SIGLEC12: variants seen among roughly 807,000 people sequenced by gnomAD.
The protein encoded by SIGLEC12 is sialic acid-binding Ig-like lectin 12.
A neutral mutation model predicts 54.1 loss-of-function variants in SIGLEC12; 43 were observed. The ratio of observed to expected loss-of-function variants is 0.80; its 90% CI spans 0.62 to 1.03. The LOEUF is 1.03. SIGLEC12 is among the 50% of genes least tolerant of loss of function. SIGLEC12 has a pLI of 0.00. For missense variants in SIGLEC12, 802 were observed against 735.2 expected (o/e 1.09, Z -1.05); for synonymous variants, 357 against 307.6 (o/e 1.16, Z -1.68).
chr19:51,500,611 G>A (rs199829752), intron 1 of SIGLEC12, among the ~76,000 whole-genome samples: 12 of 152,210 alleles, frequency 7.9e-5, no homozygotes, highest in East Asian at 7.8e-4. Flanking sequence ...ACCGTGTCCC[G>A]CCTCCTACCT....
At chr19:51,492,980 G>A (rs189471325) in intron 7 of SIGLEC12, among the ~76,000 whole-genome samples, 1 of 152,292 alleles carries the variant, frequency 6.6e-6, no homozygotes, top group East Asian at 1.9e-4. Context: ...CTGCCTGGGA[G>A]GCTTCTCCTT....
rs147834782 is a variant in SIGLEC12 at position 51,501,376 on chromosome 19, C to T, written c.358G>A (p.Val120Ile). 3.3e-5 allele frequency: 53 copies of T among 1,614,068 alleles called. No individual in the cohort carries two copies. Among genetic ancestry groups the T allele is most frequent in the South Asian group, 5.5e-5 (5 of 91,092 alleles). The change falls in exon 1 of 8, where the codon GTC becomes ATC. Residue 120 changes from valine (V) to isoleucine (I), a missense_variant. Coordinates refer to ENST00000291707, the MANE Select transcript of SIGLEC12 (RefSeq NM_053003.4). ...ATATTTCCTCTCTCTACACAAAAGA[C>T]GTATGTCCCTGCATCACTCTCTCTG... ...DTRESDAGTY[V>I]FCVERGNMKW...
chr19:51,499,311 C>G (rs1990325956), intron 3 of SIGLEC12, 94 bp from the exon 4 acceptor site: 7 of 1,578,842 alleles, frequency 4.4e-6, no homozygotes, highest in Admixed American at 1.7e-5. Flanking sequence ...AAGGTGGAGC[C>G]AGCATCCTCC....
chr19:51,500,910 C>A (rs977851898), intron 1 of SIGLEC12, among the ~76,000 whole-genome samples: 2 of 152,066 alleles, frequency 1.3e-5, no homozygotes, highest in Admixed American at 1.3e-4. Flanking sequence ...CTTAACCCCC[C>A]AGGACGTTTG....
At chr19:51,500,963 G>A (rs533603567) in intron 1 of SIGLEC12, among the ~76,000 whole-genome samples, 11 of 152,152 alleles carry the variant, frequency 7.2e-5, no homozygotes, top group Admixed American at 3.3e-4. Flanking sequence ...GGTGGGGTGG[G>A]TGCTTCTGGC....
chr19:51,493,402 G>C (rs923422310), intron 7 of SIGLEC12, among the ~76,000 whole-genome samples: 1 of 152,124 alleles, frequency 6.6e-6, no homozygotes, highest in Non-Finnish European at 1.5e-5. Flanking sequence ...TTGTCTTCAT[G>C]CCATCAATAA....
At chr19:51,498,404 A>G in intron 4 of SIGLEC12, 117 bp from the exon 5 acceptor site, 1 of 848,188 alleles carries the variant, frequency 1.2e-6, no homozygotes, top group East Asian at 2.7e-5. Flanking sequence ...TTGTAGGGAC[A>G]TATGCACGTT....
In SIGLEC12 at chr19:51,498,027, C is replaced by T. The variant is rs1256307708; in HGVS notation, c.1396G>A (p.Glu466Lys). The T allele has an allele frequency of 1.4e-5, 23 of 1,614,098 alleles. No individual in the cohort carries two copies. Among genetic ancestry groups the T allele is most frequent in the Non-Finnish European group, 1.8e-5 (21 of 1,180,028 alleles). ...ACCCTCCCCTACCCACCTGTGTACT[C>T]GTTTTGCAGGGAGAGGCTCAGGGAA... is the stretch of plus-strand genomic sequence containing the variant. ...HISLSLSLQN[E>K]YTGKMRPISG... Residue 466 changes from glutamate (E) to lysine (K), a missense_variant, in exon 5 of 8, where the codon GAG (glutamate) becomes AAG (lysine). Glu to Lys is a moderately conservative substitution (Grantham distance 56, BLOSUM62 1). Coordinates refer to ENST00000291707, the MANE Select transcript of SIGLEC12 (RefSeq NM_053003.4).
In SIGLEC12 at chr19:51,499,221, G is replaced by A. The variant is rs1990323837; in HGVS notation, c.1088-4C>T. Reference sequence around the variant, plus strand: ...ATGGTCAAGTTCTGAGGAGGATCTGGAACAGAAAGACACGGAGTTCCCATC... The same window carrying A: ...ATGGTCAAGTTCTGAGGAGGATCTGAAACAGAAAGACACGGAGTTCCCATC... On this transcript the variant is annotated splice_polypyrimidine_tract_variant and splice_region_variant and intron_variant, in intron 3 of 7. Coordinates refer to ENST00000291707, the MANE Select transcript of SIGLEC12 (RefSeq NM_053003.4). 1.2e-6 allele frequency: 2 copies of A among 1,613,878 alleles called. No individual in the cohort carries two copies. Among genetic ancestry groups the A allele is most frequent in the Admixed American group, 1.7e-5 (1 of 60,006 alleles).
Position 51,498,222 on chromosome 19 carries a change from A to T in SIGLEC12, c.1201T>A (p.Cys401Ser). Residue 401 changes from cysteine to serine, a missense_variant, in exon 5 of 8, where the codon TGT (cysteine) becomes AGT (serine). Transcript: ENST00000291707. ...GCAGGGGGATTGCTGTCGACAGCAC[A>T]GACAAGGTGCAGGGACTGGCCCTCC... ...VLEGQSLHLV[C>S]AVDSNPPARL... 6.2e-7 allele frequency: 1 copy of T among 1,614,178 alleles called. No homozygotes were observed. Among genetic ancestry groups the T allele is most frequent in the African/African-American group, 1.3e-5 (1 of 75,062 alleles).
rs771903397 is a variant in SIGLEC12 at position 51,491,867 on chromosome 19, T to G, written c.1600-38A>C. The G allele has an allele frequency of 4.0e-6, 6 of 1,483,950 alleles. No homozygotes were observed. In the Admixed American group the frequency reaches 1.3e-4, roughly 33 times the overall value. 91.9% of individuals were successfully genotyped at this position (1,483,950 alleles called of 1,614,324 possible). ...AGAGAAGGGAGTCAGTGCAGAGCAG[T>G]GGGGCCAGCATGCACCAGAGAGCAT... On this transcript the variant is annotated intron_variant, in intron 7 of 7. Coordinates refer to ENST00000291707, the MANE Select transcript of SIGLEC12 (RefSeq NM_053003.4).
chr19:51,499,724 T>C lies in SIGLEC12; in HGVS notation c.809-8A>G. ...TGGGCATGTGAGTCAGGGCTGGTGA[T>C]GAAAGGGAGACAGGCAAAATGAGGG... On this transcript the variant is annotated splice_region_variant and splice_polypyrimidine_tract_variant and intron_variant, in intron 2 of 7. Coordinates refer to ENST00000291707, the MANE Select transcript of SIGLEC12 (RefSeq NM_053003.4). 6.2e-7 allele frequency: 1 copy of C among 1,613,344 alleles called. No homozygotes were observed. The highest frequency in any genetic ancestry group is 8.5e-7 in the Non-Finnish European group (1 of 1,179,708).
intron 5 of SIGLEC12, 98 bp from the exon 6 acceptor site, chr19:51,497,543 C>A: frequency 1.2e-6 from 1 of 806,602 alleles, no homozygotes; most frequent in South Asian, 1.7e-5. Flanking sequence ...GTACCCCAGT[C>A]CCGCTTCCCG....
At position 51,498,123 on chromosome 19, in the gene SIGLEC12, G is replaced by A; in HGVS notation, c.1300C>T (p.Pro434Ser). ...CCTTCATCCTTCACATGCACTCGAG[G>A]CAGCTCCAGCACCCCAAGGTTCGAG... ...QSSNLGVLELPRVHVKDEGEF... is the reference protein window; with the variant it reads ...QSSNLGVLELSRVHVKDEGEF... Residue 434 changes from proline (P) to serine (S), a missense_variant, in exon 5 of 8, where the codon CCT becomes TCT. Physicochemically the swap from Pro to Ser is moderately conservative, Grantham distance 74. Transcript: ENST00000291707. 6.2e-7 allele frequency: 1 copy of A among 1,614,254 alleles called. No individual in the cohort carries two copies. The highest frequency in any genetic ancestry group is 8.5e-7 in the Non-Finnish European group (1 of 1,180,056).
intron 7 of SIGLEC12, among the ~76,000 whole-genome samples, chr19:51,495,772 G>A (rs1990227122): frequency 6.6e-6 from 1 of 152,114 alleles, no homozygotes; most frequent in African/African-American, 2.4e-5. Flanking sequence ...AACTTTTCCT[G>A]AATGAATTAA....
Position 51,491,407 on chromosome 19 carries a change from G to A in SIGLEC12, c.*234C>T. On this transcript the variant is annotated 3_prime_UTR_variant, in exon 8 of 8. Transcript: ENST00000291707. ...GGAACCTAAAATAGTCGACCTCAGA[G>A]AAGTAGAGAAGAGAATGGTGGGTAC... is the stretch of plus-strand genomic sequence containing the variant. 1 of 523,004 alleles carries A rather than the reference G, an allele frequency of 1.9e-6. No individual in the cohort carries two copies. The highest frequency in any genetic ancestry group is 3.4e-6 in the Non-Finnish European group (1 of 292,800). The allele number at this position is 523,004 out of a possible 1,614,324, so 32.4% of individuals were successfully genotyped here.
rs1184372382 is a variant in SIGLEC12 at position 51,501,796 on chromosome 19, G to A, written c.-63C>T. ...CTGTTCCTCAGGGTTCTTCTCTCAGGAACTGAGAACTCAAGATTTCGAGGA... is the reference window on the plus strand; with the variant it reads ...CTGTTCCTCAGGGTTCTTCTCTCAGAAACTGAGAACTCAAGATTTCGAGGA... On this transcript the variant is annotated 5_prime_UTR_variant, in exon 1 of 8. Coordinates refer to ENST00000291707, the MANE Select transcript of SIGLEC12 (RefSeq NM_053003.4). 4 of 1,470,542 alleles carry A rather than the reference G, an allele frequency of 2.7e-6. No homozygotes were observed. Among genetic ancestry groups the A allele is most frequent in the Admixed American group, 4.7e-5 (2 of 42,306 alleles). The allele number at this position is 1,470,542 out of a possible 1,614,324, so 91.1% of individuals were successfully genotyped here. A position where few individuals can be genotyped will look rare whatever the true frequency, so the allele number is the denominator to read the frequency against.
At position 51,497,398 on chromosome 19, in the gene SIGLEC12, C is replaced by T. The variant is rs1990270974; in HGVS notation, c.1453G>A (p.Ala485Thr). ...SGVTLGAFGG[A>T]GATALVFLYF... ...AGGAAGACCAGGGCTGTGGCTCCAG[C>T]TCCCCCGAATGCCCCTAGCGTCACT... is the stretch of plus-strand genomic sequence containing the variant. Residue 485 changes from alanine to threonine, a missense_variant, in exon 6 of 8, where the codon GCT becomes ACT. Ala to Thr is a moderately conservative substitution (Grantham distance 58). Transcript: ENST00000291707. 1 of 1,613,202 alleles carries T rather than the reference C, an allele frequency of 6.2e-7. No homozygotes were observed. Among genetic ancestry groups the T allele is most frequent in the African/African-American group, 1.3e-5 (1 of 74,892 alleles).
intron 7 of SIGLEC12, among the ~76,000 whole-genome samples, chr19:51,495,130 T>C (rs2122208088): frequency 6.6e-6 from 1 of 150,536 alleles, no homozygotes; most frequent in Non-Finnish European, 1.5e-5. Context: ...GATGGCTGGA[T>C]GGATGGATGG....
Sources: allele counts gnomAD v4.1 joint callset (sites outside exome capture counted in the v4.1 genomes callset), GRCh38; gene constraint gnomAD v4.1.1; transcripts MANE v1.5; gene names NCBI Gene and HGNC (gene_info 2026-07-23, HGNC 2026-07-21).